The following GNAQ variants were observed in gnomAD, a reference collection of about 807,000 sequenced individuals.
The protein encoded by GNAQ is guanine nucleotide-binding protein G(q) subunit alpha.
Under a neutral mutation model 43.9 loss-of-function variants are expected in GNAQ, and 8 were observed. The observed-to-expected ratio is 0.18, with a 90% CI of 0.11 to 0.33. The LOEUF (loss-of-function observed/expected upper bound fraction) is 0.33. Among genes scored for constraint, GNAQ ranks in the 10% least tolerant of loss-of-function variants. GNAQ has a pLI of 1.00. For missense variants in GNAQ, 158 were observed against 450.8 expected (o/e 0.35, Z 5.88); for synonymous variants, 155 against 170.7 (o/e 0.91, Z 0.71).
chr9:77,790,665 C>G (rs973312244), intron 5 of GNAQ, among the ~76,000 whole-genome samples: 1 of 152,176 alleles, frequency 6.6e-6, no homozygotes, highest in African/African-American at 2.4e-5. Flanking sequence ...TACTTCCACC[C>G]TCTTTGCTGC....
intron 1 of GNAQ, among the ~76,000 whole-genome samples, chr9:78,015,920 G>C (rs1823832749): frequency 6.6e-6 from 1 of 151,734 alleles, no homozygotes; most frequent in African/African-American, 2.4e-5. Flanking sequence ...TCAAGAAAAA[G>C]TAAAAAATAA....
chr9:77,822,317 T>C (rs1587932598), intron 2 of GNAQ, among the ~76,000 whole-genome samples: 1 of 152,172 alleles, frequency 6.6e-6, no homozygotes, highest in Admixed American at 6.5e-5. Context: ...AAACAACTCA[T>C]TGACTGATTT....
At chr9:78,000,864 G>A (rs1041222930) in intron 1 of GNAQ, among the ~76,000 whole-genome samples, 1 of 152,096 alleles carries the variant, frequency 6.6e-6, no homozygotes, top group African/African-American at 2.4e-5. Context: ...TTAAAAGTAT[G>A]TAATCCCCAG....
chr9:77,859,686 T>C (rs1827812652), intron 2 of GNAQ, among the ~76,000 whole-genome samples: 1 of 152,200 alleles, frequency 6.6e-6, no homozygotes, highest in Non-Finnish European at 1.5e-5. Flanking sequence ...CATTTGTTTA[T>C]AGATTTGGAC....
chr9:77,957,871 C>T (rs151098099), intron 1 of GNAQ, among the ~76,000 whole-genome samples: 2 of 152,272 alleles, frequency 1.3e-5, no homozygotes, highest in East Asian at 3.9e-4. Flanking sequence ...TTTCTGCTGG[C>T]CACGTGGCTT....
chr9:77,991,389 A>C (rs1192811623), intron 1 of GNAQ, among the ~76,000 whole-genome samples: 1 of 152,192 alleles, frequency 6.6e-6, no homozygotes, highest in Admixed American at 6.5e-5. Context: ...AAAAGGCCTA[A>C]TGTTGGTCAC....
chr9:77,931,777 C>G (rs1433760888), intron 1 of GNAQ, among the ~76,000 whole-genome samples: 1 of 152,180 alleles, frequency 6.6e-6, no homozygotes, highest in Non-Finnish European at 1.5e-5. Flanking sequence ...TCTAAGCCTG[C>G]TTCTTCATCT....
chr9:77,789,025 T>C (rs903742001), intron 5 of GNAQ, among the ~76,000 whole-genome samples: 3 of 152,192 alleles, frequency 2.0e-5, no homozygotes, highest in African/African-American at 7.2e-5. Flanking sequence ...ACTCTTGCAA[T>C]AGGCCGTGAT....
Position 77,759,727 on chromosome 9 carries a change from T to A in GNAQ, c.736-31060A>T, listed in dbSNP as rs115873189. 2.0e-5 allele frequency among the ~76,000 whole-genome samples: 3 copies of A among 152,206 alleles called. No homozygotes were observed. In the East Asian group the frequency reaches 5.8e-4, roughly 29 times the overall value. ...GATATTCTGTTGATATCTGGAAGAA[T>A]AAAAACAAAGGAAAAGGTGTTCTAG... On this transcript the variant is annotated intron_variant, in intron 5 of 6. Transcript: ENST00000286548.
intron 5 of GNAQ, among the ~76,000 whole-genome samples, chr9:77,739,765 G>A (rs1005496087): frequency 6.6e-6 from 1 of 152,160 alleles, no homozygotes; most frequent in Non-Finnish European, 1.5e-5. Context: ...TTCCTTTATT[G>A]CACTTGTCCA....
intron 2 of GNAQ, among the ~76,000 whole-genome samples, chr9:77,874,245 G>A (rs1291264754): frequency 6.6e-6 from 1 of 152,080 alleles, no homozygotes; most frequent in Non-Finnish European, 1.5e-5. Flanking sequence ...ATTAGGCTTG[G>A]GCTTCCCTTG....
chr9:77,806,557 T>C (rs1375384805), intron 3 of GNAQ, among the ~76,000 whole-genome samples: 2 of 152,134 alleles, frequency 1.3e-5, no homozygotes, highest in African/African-American at 4.8e-5. Context: ...TAATGATGAA[T>C]GCAATAGGAA....
At chr9:77,984,695 A>G (rs1465290814) in intron 1 of GNAQ, among the ~76,000 whole-genome samples, 2 of 152,180 alleles carry the variant, frequency 1.3e-5, no homozygotes, top group East Asian at 1.9e-4. Flanking sequence ...CAGTTTTAAG[A>G]GAAGTATACC....
At chr9:77,753,122 G>A (rs112918831) in intron 5 of GNAQ, among the ~76,000 whole-genome samples, 11,271 of 146,178 alleles carry the variant, frequency 0.077, 1,314 homozygotes, top group African/African-American at 0.26. Context: ...AGGAAAAAAA[G>A]AAGATTTAGT....
chr9:77,735,260 G>C (rs1051555568), intron 5 of GNAQ, among the ~76,000 whole-genome samples: 1 of 152,006 alleles, frequency 6.6e-6, no homozygotes, highest in Non-Finnish European at 1.5e-5. Context: ...ACTCACTAAA[G>C]AACACCTTAC....
intron 1 of GNAQ, among the ~76,000 whole-genome samples, chr9:78,024,458 G>A (rs1823951788): frequency 2.0e-5 from 3 of 152,264 alleles, no homozygotes; most frequent in African/African-American, 7.2e-5. Context: ...CAGGAATTGC[G>A]ATAAAGATAC....
intron 1 of GNAQ, among the ~76,000 whole-genome samples, chr9:77,958,468 G>A (rs1236175022): frequency 6.6e-6 from 1 of 152,136 alleles, no homozygotes; most frequent in Non-Finnish European, 1.5e-5. Context: ...GCAATATTGT[G>A]AATTACTCTG....
At chr9:77,825,916 T>C (rs1827188074) in intron 2 of GNAQ, among the ~76,000 whole-genome samples, 1 of 152,118 alleles carries the variant, frequency 6.6e-6, no homozygotes, top group African/African-American at 2.4e-5. Context: ...GAGATAACAG[T>C]CTGCACATCT....
At chr9:78,026,704 G>A (rs1823984731) in intron 1 of GNAQ, among the ~76,000 whole-genome samples, 1 of 152,096 alleles carries the variant, frequency 6.6e-6, no homozygotes, top group Admixed American at 6.6e-5. Flanking sequence ...AGTGGGAAGC[G>A]TGCTCTTTTC....
Sources: gnomAD v4.1 joint callset for allele counts (sites outside exome capture counted in the v4.1 genomes callset) on GRCh38, gnomAD v4.1.1 for gene constraint, MANE v1.5 for transcripts, NCBI Gene and HGNC (gene_info 2026-07-23, HGNC 2026-07-21) for gene names.